CFAP54: variants seen among roughly 807,000 people sequenced by gnomAD.
CFAP54 encodes the protein cilia and flagella associated protein 54.
CFAP54 carries 290 observed loss-of-function variants against 370.4 expected under a neutral mutation model. The ratio of observed to expected loss-of-function variants is 0.78; its 90% confidence interval spans 0.71 to 0.86. CFAP54 has a LOEUF of 0.86. Among genes scored for constraint, CFAP54 ranks in the 40% least tolerant of loss-of-function variants. The pLI is 0.00. For missense variants in CFAP54, 3,399 were observed against 3,528.7 expected (o/e 0.96, Z 0.93); for synonymous variants, 1,206 against 1,236.5 (o/e 0.98, Z 0.52).
At chr12:96,696,350 G>C in intron 45 of CFAP54, among the ~76,000 whole-genome samples, 1 of 152,264 alleles carries the variant, frequency 6.6e-6, no homozygotes, top group Admixed American at 6.5e-5. Flanking sequence ...TGCAATATCT[G>C]AATTGTGTAA....
intron 50 of CFAP54, 80 bp downstream of exon 50, chr12:96,720,645 T>C: frequency 1.8e-6 from 2 of 1,138,858 alleles, no homozygotes; most frequent in Non-Finnish European, 2.3e-6. Flanking sequence ...ACTTAAATTT[T>C]ATGTAAGTTT....
chr12:96,627,681 A>G (rs1210629826), intron 30 of CFAP54, among the ~76,000 whole-genome samples: 2 of 152,264 alleles, frequency 1.3e-5, no homozygotes, highest in Non-Finnish European at 2.9e-5. Context: ...TATATGCTTC[A>G]TATTTTCAAA....
At chr12:96,585,776 C>T (rs1369480934) in intron 22 of CFAP54, among the ~76,000 whole-genome samples, 1 of 152,210 alleles carries the variant, frequency 6.6e-6, no homozygotes, top group Non-Finnish European at 1.5e-5. Flanking sequence ...TATCTCTCAA[C>T]TCCTATGAAG....
In CFAP54 at chr12:96,534,097, G is replaced by A. The variant is rs2136380919; in HGVS notation, c.1575G>A (p.Lys525=). The change falls in exon 11 of 68, where the codon AAG becomes AAA. Residue 525 remains lysine, a synonymous_variant. Coordinates refer to ENST00000524981, the MANE Select transcript of CFAP54 (RefSeq NM_001306084.2). ...ATCCAGAGTCAAAGAAAGCAGAGAA[G>A]GATTTAACTCTTCTGATTGCAATGG... The part of the protein sequence containing the change: ...QDDPESKKAE[K]DLTLLIAMEP... The A allele has an allele frequency of 6.5e-7, 1 of 1,531,836 alleles. No individual in the cohort carries two copies. Among genetic ancestry groups the A allele is most frequent in the Non-Finnish European group, 8.7e-7 (1 of 1,145,144 alleles). 94.9% of individuals were successfully genotyped at this position (1,531,836 alleles called of 1,614,324 possible). A position where few individuals can be genotyped will look rare whatever the true frequency, so the allele number is the denominator to read the frequency against.
intron 25 of CFAP54, among the ~76,000 whole-genome samples, chr12:96,596,604 C>CA (rs1956181809): frequency 6.6e-6 from 1 of 151,900 alleles, no homozygotes; most frequent in Non-Finnish European, 1.5e-5. Flanking sequence ...TAAAATAAAG[C>CA]AAAAACTTTA....
chr12:96,853,138 A>G (rs1347127661), intron 66 of CFAP54, among the ~76,000 whole-genome samples: 1 of 152,176 alleles, frequency 6.6e-6, no homozygotes, highest in Non-Finnish European at 1.5e-5. Flanking sequence ...GCATCAAAAG[A>G]TATTTTTATT....
chr12:96,566,301 T>C (rs978321235), intron 19 of CFAP54, among the ~76,000 whole-genome samples: 4 of 150,954 alleles, frequency 2.6e-5, no homozygotes, highest in Admixed American at 2.6e-4. Flanking sequence ...ATGTGGAGAG[T>C]GGGGAGGAAT....
chr12:96,598,240 A>G (rs1956199592), intron 25 of CFAP54, among the ~76,000 whole-genome samples: 1 of 152,048 alleles, frequency 6.6e-6, no homozygotes, highest in Non-Finnish European at 1.5e-5. Flanking sequence ...TATTATTTCA[A>G]GTACCTGGAA....
intron 48 of CFAP54, among the ~76,000 whole-genome samples, chr12:96,710,372 A>G (rs973926259): frequency 2.6e-5 from 4 of 152,168 alleles, no homozygotes; most frequent in Admixed American, 2.6e-4. Flanking sequence ...ATGCAAATGG[A>G]TGGGTAAAGC....
chr12:96,832,870 A>G (rs1959175130), intron 66 of CFAP54, among the ~76,000 whole-genome samples: 3 of 152,198 alleles, frequency 2.0e-5, no homozygotes, highest in Admixed American at 6.5e-5. Context: ...GCTAACTTCC[A>G]CTGAAAATAA....
intron 66 of CFAP54, among the ~76,000 whole-genome samples, chr12:96,858,600 C>A (rs1304756139): frequency 6.6e-6 from 1 of 152,128 alleles, no homozygotes. Context: ...CCTAGGTTAT[C>A]TTTCAGGGTT....
At position 96,647,471 on chromosome 12, in the gene CFAP54, C is replaced by CGAAAAAAAAAAAAAAAA. The variant is rs1167008566; in HGVS notation, c.4548-404_4548-403insGAAAAAAAAAAAAAAAA. ...CTGGGCGACAGAGCGAGACTCTGTC[C>CGAAAAAAAAAAAAAAAA]CAAAAAAAAAAAAAAAAAAAAAAAA... On this transcript the variant is annotated intron_variant, in intron 33 of 67. Transcript: ENST00000524981. Among the ~76,000 whole-genome samples, 15 of 10,688 alleles carry CGAAAAAAAAAAAAAAAA rather than the reference C, an allele frequency of 1.4e-3. 1 individual carries two copies. The highest frequency in any genetic ancestry group is 3.3e-3 in the Non-Finnish European group (13 of 3,984). 7.0% of individuals were successfully genotyped at this position (10,688 alleles called of 152,430 possible).
intron 45 of CFAP54, among the ~76,000 whole-genome samples, chr12:96,694,882 G>A (rs1224481683): frequency 6.6e-6 from 1 of 152,110 alleles, no homozygotes; most frequent in African/African-American, 2.4e-5. Flanking sequence ...TTGGCCAGAT[G>A]TGGTGGCAGG....
At chr12:96,850,463 C>T (rs774681263) in intron 66 of CFAP54, among the ~76,000 whole-genome samples, 1 of 151,984 alleles carries the variant, frequency 6.6e-6, no homozygotes, top group Non-Finnish European at 1.5e-5. Context: ...TGACAGACAT[C>T]GCGGGAGGGA....
chr12:96,808,487 A>G (rs1023516804), intron 63 of CFAP54, among the ~76,000 whole-genome samples: 4 of 152,194 alleles, frequency 2.6e-5, no homozygotes, highest in African/African-American at 9.6e-5. Context: ...AAGAAAGCAC[A>G]GGTGATCATT....
chr12:96,629,226 T>C (rs2136473943), intron 30 of CFAP54, among the ~76,000 whole-genome samples: 1 of 152,300 alleles, frequency 6.6e-6, no homozygotes, highest in East Asian at 1.9e-4. Context: ...TCTTTTTCCC[T>C]ATAGAAAGCC....
intron 60 of CFAP54, among the ~76,000 whole-genome samples, chr12:96,782,369 T>C (rs1958588519): frequency 6.6e-6 from 1 of 151,938 alleles, no homozygotes; most frequent in South Asian, 2.1e-4. Flanking sequence ...AATGGGAAAG[T>C]AGAAAAAAAC....
At chr12:96,725,740 C>T (rs933282409) in intron 50 of CFAP54, among the ~76,000 whole-genome samples, 2 of 152,204 alleles carry the variant, frequency 1.3e-5, no homozygotes, top group South Asian at 4.1e-4. Flanking sequence ...GAGGGGGCAT[C>T]CCTGTCTTCT....
intron 8 of CFAP54, 33 bp from the exon 9 acceptor site, chr12:96,527,213 A>C (rs1015702214): frequency 1.3e-6 from 2 of 1,486,048 alleles, no homozygotes; most frequent in Admixed American, 2.3e-5. Context: ...AGCTTTAACA[A>C]ATGGACTGAA....
Sources: allele counts gnomAD v4.1 joint callset (sites outside exome capture counted in the v4.1 genomes callset), GRCh38; gene constraint gnomAD v4.1.1; transcripts MANE v1.5; gene names NCBI Gene and HGNC (gene_info 2026-07-23, HGNC 2026-07-21).